Variants in GAD2 observed in about 807,000 individuals in gnomAD.
GAD2 encodes the protein 65 kDa glutamic acid decarboxylase.
Under a neutral mutation model 80.1 loss-of-function variants are expected in GAD2, and 22 were observed. The ratio of observed to expected loss-of-function variants is 0.27; its 90% CI spans 0.20 to 0.39. The LOEUF (loss-of-function observed/expected upper bound fraction) is 0.39, where lower values mean the gene tolerates loss of function less well. GAD2 is among the 10% of genes least tolerant of loss of function. GAD2 has a pLI of 1.00. For missense variants in GAD2, 624 were observed against 738.4 expected, an observed-to-expected ratio of 0.85 and a Z score of 1.80; for synonymous variants, 274 against 256.9, an observed-to-expected ratio of 1.07 and a Z score of -0.64.
intron 8 of GAD2, among the ~76,000 whole-genome samples, chr10:26,249,729 C>T (rs1223097995): frequency 6.6e-6 from 1 of 152,182 alleles, no homozygotes; most frequent in Non-Finnish European, 1.5e-5. Flanking sequence ...GCCAGCTAGG[C>T]GGCTCATCAT....
intron 3 of GAD2, among the ~76,000 whole-genome samples, chr10:26,218,803 TAA>T (rs900403498): frequency 5.3e-5 from 8 of 152,156 alleles, no homozygotes; most frequent in African/African-American, 1.7e-4. Context: ...GCAAACAATA[TAA>T]GTTATGAATT....
At chr10:26,275,887 C>T (rs1199256387) in intron 11 of GAD2, among the ~76,000 whole-genome samples, 3 of 152,210 alleles carry the variant, frequency 2.0e-5, no homozygotes, top group Non-Finnish European at 4.4e-5. Flanking sequence ...GGGGGCCGGG[C>T]ACGGTGCTTG....
At chr10:26,255,595 T>C (rs1253194006) in intron 8 of GAD2, among the ~76,000 whole-genome samples, 3 of 92,262 alleles carry the variant, frequency 3.3e-5, no homozygotes, top group African/African-American at 1.7e-4. Flanking sequence ...ATGTGAATTA[T>C]GGAAGGAAAG....
At chr10:26,244,723 G>A (rs1197671561) in intron 7 of GAD2, among the ~76,000 whole-genome samples, 1 of 152,148 alleles carries the variant, frequency 6.6e-6, no homozygotes, top group African/African-American at 2.4e-5. Context: ...GGGGTTGGGG[G>A]TGGGGAGAAT....
intron 8 of GAD2, among the ~76,000 whole-genome samples, chr10:26,252,662 C>CT (rs939992911): frequency 4.7e-4 from 68 of 144,066 alleles, no homozygotes; most frequent in South Asian, 6.7e-4. Flanking sequence ...GGTACCCCTT[C>CT]TTTTTTTTTT....
chr10:26,216,988 A>G lies in GAD2; in HGVS notation c.76+103A>G. ...GGAGGTTTTTCCACCTGCAACAGGA[A>G]ACTTCTTCGGGCGCTTCTCCCTGCT... On this transcript the variant is annotated intron_variant, in intron 1 of 15. Transcript: ENST00000376261. The surrounding 1 kb of genome is among the most constrained non-coding windows in gnomAD (Gnocchi z 4.7). 9.9e-7 allele frequency: 1 copy of G among 1,013,838 alleles called. No individual in the cohort carries two copies. The highest frequency in any genetic ancestry group is 1.5e-6 in the Non-Finnish European group (1 of 671,570). 62.8% of individuals were successfully genotyped at this position (1,013,838 alleles called of 1,614,324 possible).
chr10:26,255,876 T>G (rs1844937052), intron 8 of GAD2, among the ~76,000 whole-genome samples: 3 of 142,534 alleles, frequency 2.1e-5, no homozygotes, highest in South Asian at 2.2e-4. Context: ...AACGGGAGAG[T>G]GATGTGTGAT....
chr10:26,242,463 G>T (rs1844755203), intron 7 of GAD2, among the ~76,000 whole-genome samples: 1 of 152,074 alleles, frequency 6.6e-6, no homozygotes, highest in African/African-American at 2.4e-5. Context: ...TCCACATGTG[G>T]TCTCGCCGGC....
intron 8 of GAD2, among the ~76,000 whole-genome samples, chr10:26,262,447 G>A (rs1273102555): frequency 4.0e-5 from 6 of 150,998 alleles, no homozygotes; most frequent in East Asian, 3.9e-4. Context: ...CAAATGTTAC[G>A]TTTTCTCTCT....
intron 8 of GAD2, among the ~76,000 whole-genome samples, chr10:26,268,533 A>G (rs1222330013): frequency 6.6e-6 from 1 of 152,046 alleles, no homozygotes; most frequent in Non-Finnish European, 1.5e-5. Context: ...TAAGCAAAGC[A>G]GTATCTGTGT....
chr10:26,278,636 G>A (rs1446767873), intron 11 of GAD2, among the ~76,000 whole-genome samples: 3 of 152,036 alleles, frequency 2.0e-5, no homozygotes, highest in Non-Finnish European at 4.4e-5. Flanking sequence ...TATTTTTTTG[G>A]AGGGAACTTT....
At chr10:26,232,700 A>C (rs1269655031) in intron 7 of GAD2, among the ~76,000 whole-genome samples, 1 of 151,914 alleles carries the variant, frequency 6.6e-6, no homozygotes, top group Non-Finnish European at 1.5e-5. Context: ...ACAGGGTTTC[A>C]CCATGTTGGC....
At chr10:26,289,571 T>C (rs183943916) in intron 13 of GAD2, among the ~76,000 whole-genome samples, 4 of 152,050 alleles carry the variant, frequency 2.6e-5, no homozygotes, top group Admixed American at 2.6e-4. Flanking sequence ...CTAAGCGGCA[T>C]ACTAGCTGGT....
chr10:26,247,215 A>C (rs182138585), intron 8 of GAD2, among the ~76,000 whole-genome samples: 66 of 152,338 alleles, frequency 4.3e-4, no homozygotes, highest in African/African-American at 1.5e-3. Flanking sequence ...TTTAGACCAT[A>C]TAGAGTAACT....
chr10:26,296,581 G>T (rs955315912), intron 15 of GAD2, among the ~76,000 whole-genome samples: 16 of 152,202 alleles, frequency 1.1e-4, no homozygotes, highest in Admixed American at 2.6e-4. Context: ...GCACTATGAG[G>T]ATGTGACGCC....
At chr10:26,257,464 G>A (rs541467025) in intron 8 of GAD2, among the ~76,000 whole-genome samples, 128 of 152,138 alleles carry the variant, frequency 8.4e-4, no homozygotes, top group African/African-American at 3.0e-3. Flanking sequence ...CTCCCCTCAG[G>A]GTACCCCTGC....
intron 6 of GAD2, among the ~76,000 whole-genome samples, chr10:26,225,859 C>T (rs1370572828): frequency 6.6e-6 from 1 of 152,120 alleles, no homozygotes; most frequent in Non-Finnish European, 1.5e-5. Flanking sequence ...TTAAGCTAGC[C>T]TTTATTTTTT....
chr10:26,270,235 C>T (rs1845118855), intron 9 of GAD2, among the ~76,000 whole-genome samples: 1 of 152,174 alleles, frequency 6.6e-6, no homozygotes, highest in South Asian at 2.1e-4. Flanking sequence ...CTTCATTCTC[C>T]TGCCTACTCA....
chr10:26,299,763 A>G (rs1341812462), intron 15 of GAD2, among the ~76,000 whole-genome samples: 1 of 152,210 alleles, frequency 6.6e-6, no homozygotes, highest in Non-Finnish European at 1.5e-5. Context: ...AGGATCATGG[A>G]TGATATGTTT....
Sources: allele counts gnomAD v4.1 joint callset (sites outside exome capture counted in the v4.1 genomes callset), GRCh38; gene constraint gnomAD v4.1.1; non-coding constraint Gnocchi (gnomAD v3.1); transcripts MANE v1.5; gene names NCBI Gene and HGNC (gene_info 2026-07-23, HGNC 2026-07-21).